Variants in DDX18 observed in about 807,000 individuals in gnomAD.
DDX18 encodes ATP-dependent RNA helicase DDX18.
A neutral mutation model predicts 73.5 loss-of-function variants in DDX18; 23 were observed. That is an observed-to-expected ratio of 0.31 (90% confidence interval 0.23 to 0.44). The LOEUF (loss-of-function observed/expected upper bound fraction) is 0.44, where lower values mean the gene tolerates loss of function less well. DDX18 is among the 20% of genes least tolerant of loss of function. The pLI, the probability that DDX18 is intolerant of heterozygous loss-of-function variation, is 1.00. For missense variants in DDX18, 753 were observed against 792.9 expected (o/e 0.95, Z 0.60); for synonymous variants, 268 against 282.7 (o/e 0.95, Z 0.52).
chr2:117,824,460 ACAT>A, intron 7 of DDX18, 106 bp from the exon 8 acceptor site: 1 of 1,037,422 alleles, frequency 9.6e-7, no homozygotes, highest in African/African-American at 1.6e-5. Flanking sequence ...TTCTGTAGAA[ACAT>A]CATATCTCCC....
intron 3 of DDX18, 152 bp downstream of exon 3, chr2:117,819,944 C>G (rs866484649): frequency 5.6e-6 from 4 of 718,468 alleles, no homozygotes; most frequent in Middle Eastern, 3.4e-4. Flanking sequence ...GCTGCTTTTT[C>G]TCTTTATCTT....
intron 11 of DDX18, chr2:117,828,064 T>C (rs566477019): frequency 3.3e-5 from 5 of 152,324 alleles, no homozygotes; most frequent in Admixed American, 2.6e-4. Flanking sequence ...TATTTGGATT[T>C]CTCTGATGGC....
chr2:117,815,922 G>C (rs527925122), intron 1 of DDX18, among the ~76,000 whole-genome samples: 1 of 152,190 alleles, frequency 6.6e-6, no homozygotes, highest in South Asian at 2.1e-4. Flanking sequence ...TACACACCCA[G>C]GCTACATGAT....
rs748722002 is a variant in DDX18 at position 117,817,695 on chromosome 2, A to G, written c.337A>G (p.Lys113Glu). Residue 113 changes from lysine (K) to glutamate (E), a missense_variant, in exon 2 of 14, where the codon AAA (lysine) becomes GAA (glutamate). Coordinates refer to ENST00000263239, the MANE Select transcript of DDX18 (RefSeq NM_006773.4). ...SNSESKKKKK[K>E]KRKMVNDAEP... is the part of the protein sequence containing the mutation. ...TTCAGAATCAAAAAAGAAAAAGAAG[A>G]AAAAGAGAAAAATGGTGAATGATGC... is the stretch of plus-strand genomic sequence containing the variant. 5 of 1,604,270 alleles carry G rather than the reference A, an allele frequency of 3.1e-6. No individual in the cohort carries two copies. Among genetic ancestry groups the G allele is most frequent in the Admixed American group, 1.7e-5 (1 of 57,712 alleles).
At chr2:117,826,240 T>C in intron 10 of DDX18, 29 bp from the exon 11 acceptor site, 1 of 1,600,122 alleles carries the variant, frequency 6.2e-7, no homozygotes, top group Non-Finnish European at 8.5e-7. Flanking sequence ...AGTCACTGCG[T>C]TAACTCAGAT....
In DDX18 at chr2:117,822,061, G is replaced by A. The variant is rs1679854438; in HGVS notation, c.951G>A (p.Gln317=). The change falls in exon 6 of 14, where the codon CAG becomes CAA. Residue 317 remains glutamine (Q), a splice_region_variant and synonymous_variant. Coordinates refer to ENST00000263239, the MANE Select transcript of DDX18 (RefSeq NM_006773.4). ...ATPGRLLDHM[Q]NTPGFMYKNL... is the part of the protein sequence containing the mutation. ...CAGGCCGTCTGCTGGACCATATGCA[G>A]GTAAGAGATGTAGTGCTTGTCTCAT... 3 of 1,613,814 alleles carry A rather than the reference G, an allele frequency of 1.9e-6. No homozygotes were observed. The highest frequency in any genetic ancestry group is 2.5e-6 in the Non-Finnish European group (3 of 1,179,918).
At chr2:117,826,181 C>A in intron 10 of DDX18, 88 bp from the exon 11 acceptor site, 1 of 1,071,204 alleles carries the variant, frequency 9.3e-7, no homozygotes, top group South Asian at 1.4e-5. Flanking sequence ...CATCTCAGTA[C>A]AGACATGCAC....
At chr2:117,817,405 CCTT>C (rs1679776914) in intron 1 of DDX18, 36 bp from the exon 2 acceptor site, 1 of 1,519,240 alleles carries the variant, frequency 6.6e-7, no homozygotes, top group Non-Finnish European at 8.8e-7. Context: ...GTAAACTTCT[CCTT>C]CTTTGTCACA....
In DDX18 at chr2:117,823,039, C is replaced by T. The variant is rs529597513; in HGVS notation, c.1066+778C>T. On this transcript the variant is annotated intron_variant, in intron 7 of 13. Transcript: ENST00000263239. ...AAAAACTGCCAGATGTTTTCCAAAG[C>T]GGCTGTACCATTTAACATTCCTATG... Among the ~76,000 whole-genome samples, 157 of 152,276 alleles carry T rather than the reference C, an allele frequency of 1.0e-3. 1 individual carries two copies. The highest frequency in any genetic ancestry group is 3.7e-3 in the African/African-American group (152 of 41,562).
chr2:117,820,497 C>T (rs1354809406), intron 3 of DDX18, among the ~76,000 whole-genome samples: 2 of 152,222 alleles, frequency 1.3e-5, no homozygotes, highest in African/African-American at 4.8e-5. Flanking sequence ...CTGCTGGGAT[C>T]TGGTGAGTAG....
At position 117,819,540 on chromosome 2, in the gene DDX18, A is replaced by C. The variant is rs1483445293; in HGVS notation, c.371-109A>C. 3 of 1,079,748 alleles carry C rather than the reference A, an allele frequency of 2.8e-6. No homozygotes were observed. In the East Asian group the frequency reaches 8.1e-5, roughly 29 times the overall value. 66.9% of individuals were successfully genotyped at this position (1,079,748 alleles called of 1,614,324 possible). A position where few individuals can be genotyped will look rare whatever the true frequency, so the allele number is the denominator to read the frequency against. ...TAACAAATTAATACAGCATATACTT[A>C]GCTTTTGAAAATATACGTCTTTATA... On this transcript the variant is annotated intron_variant, in intron 2 of 13. Coordinates refer to ENST00000263239, the MANE Select transcript of DDX18 (RefSeq NM_006773.4).
In DDX18 at chr2:117,830,574, G is replaced by T; in HGVS notation, c.1871-8G>T. 2.5e-6 allele frequency: 4 copies of T among 1,608,156 alleles called. No individual in the cohort carries two copies. Among genetic ancestry groups the T allele is most frequent in the Non-Finnish European group, 3.4e-6 (4 of 1,178,432 alleles). On this transcript the variant is annotated splice_polypyrimidine_tract_variant and splice_region_variant and intron_variant, in intron 13 of 13. Coordinates refer to ENST00000263239, the MANE Select transcript of DDX18 (RefSeq NM_006773.4). ...TTTTTGCTTGATTTCCTTAATGTTT[G>T]CCTCCAGACGTCAACAGTAATGAAG...
At position 117,824,683 on chromosome 2, in the gene DDX18, A is replaced by G; in HGVS notation, c.1181A>G (p.Asn394Ser). ...GTTGGCGTTGATGATGATAAAGCGA[A>G]TGCAACAGTGGATGGTCTTGAACAG... ...LYVGVDDDKA[N>S]ATVDGLEQGY... The change falls in exon 8 of 14, where the codon AAT becomes AGT. Residue 394 changes from asparagine to serine, a missense_variant. Physicochemically the swap from Asn to Ser is conservative, Grantham distance 46. Coordinates refer to ENST00000263239, the MANE Select transcript of DDX18 (RefSeq NM_006773.4). 6.7e-7 allele frequency: 1 copy of G among 1,482,562 alleles called. No homozygotes were observed. The highest frequency in any genetic ancestry group is 9.0e-7 in the Non-Finnish European group (1 of 1,116,900). The allele number at this position is 1,482,562 out of a possible 1,614,324, so 91.8% of individuals were successfully genotyped here. A position where few individuals can be genotyped will look rare whatever the true frequency, so the allele number is the denominator to read the frequency against.
Position 117,821,164 on chromosome 2 carries a change from C to A in DDX18, c.518C>A (p.Ala173Asp). The change falls in exon 4 of 14, where the codon GCT becomes GAT. Residue 173 changes from alanine (A) to aspartate (D), a missense_variant. Transcript: ENST00000263239. ...VPSLPLGLTG[A>D]FEDTSFASLC... ...TGATAAATTGTCTTCTGTTTAGGAG[C>A]TTTTGAGGATACTTCGTTTGCTTCT... is the stretch of plus-strand genomic sequence containing the variant. 1.3e-6 allele frequency: 2 copies of A among 1,574,024 alleles called. No homozygotes were observed. The highest frequency in any genetic ancestry group is 1.7e-6 in the Non-Finnish European group (2 of 1,163,298).
At chr2:117,821,353 TAAAG>T (rs1429979174) in intron 4 of DDX18, 57 bp downstream of exon 4, 1 of 1,549,806 alleles carries the variant, frequency 6.5e-7, no homozygotes, top group Non-Finnish European at 8.7e-7. Context: ...TAGTAGATGA[TAAAG>T]AACATACCAG....
Position 117,819,735 on chromosome 2 carries a change from A to G in DDX18, c.457A>G (p.Lys153Glu), listed in dbSNP as rs1233914585. The G allele has an allele frequency of 6.2e-7, 1 of 1,610,278 alleles. No individual in the cohort carries two copies. Among genetic ancestry groups the G allele is most frequent in the East Asian group, 2.2e-5 (1 of 44,738 alleles). Residue 153 changes from lysine to glutamate, a missense_variant, in exon 3 of 14, where the codon AAG becomes GAG. By Grantham distance (56) the Lys-to-Glu change is moderately conservative (BLOSUM62 1). This residue lies in a region of DDX18 where 345 missense variants were observed against 352.0 expected (regional missense o/e 0.98). Coordinates refer to ENST00000263239, the MANE Select transcript of DDX18 (RefSeq NM_006773.4). ...TTKETENNVE[K>E]PDNDEDESEV... ...TAAAGAAACAGAAAATAATGTGGAG[A>G]AGCCAGATAATGATGAAGATGAGAG...
At position 117,832,184 on chromosome 2, in the gene DDX18, A is replaced by G. The variant is rs756764049; in HGVS notation, c.*1460A>G. The stretch of plus-strand genomic sequence containing the variant: ...GAAATAATGTTTTTTAAAAGACAAA[A>G]ACAAAGGGAAGAATATTTAATTACT... On this transcript the variant is annotated 3_prime_UTR_variant, in exon 14 of 14. Coordinates refer to ENST00000263239, the MANE Select transcript of DDX18 (RefSeq NM_006773.4). The G allele has an allele frequency of 1.3e-5, 2 of 152,114 alleles. No individual in the cohort carries two copies. Among genetic ancestry groups the G allele is most frequent in the Non-Finnish European group, 2.9e-5 (2 of 68,016 alleles). 9.4% of individuals were successfully genotyped at this position (152,114 alleles called of 1,614,324 possible).
intron 2 of DDX18, among the ~76,000 whole-genome samples, chr2:117,818,479 T>C (rs1279991081): frequency 6.6e-6 from 1 of 152,230 alleles, no homozygotes; most frequent in Non-Finnish European, 1.5e-5. Flanking sequence ...ATAAGGGTTT[T>C]ATTTAGAAAG....
In DDX18 at chr2:117,819,742, A is replaced by G. The variant is rs759755658; in HGVS notation, c.464A>G (p.Asp155Gly). The G allele has an allele frequency of 5.0e-6, 8 of 1,609,542 alleles. No individual in the cohort carries two copies. The highest frequency in any genetic ancestry group is 1.7e-4 in the Middle Eastern group (1 of 5,992). ...ACAGAAAATAATGTGGAGAAGCCAG[A>G]TAATGATGAAGATGAGAGTGAGGTG... ...KETENNVEKP[D>G]NDEDESEVPS... The change falls in exon 3 of 14, where the codon GAT becomes GGT. Residue 155 changes from aspartate (D) to glycine (G), a missense_variant. Physicochemically the swap from Asp to Gly is moderately conservative, Grantham distance 94. Coordinates refer to ENST00000263239, the MANE Select transcript of DDX18 (RefSeq NM_006773.4).
Sources: gnomAD v4.1 joint callset for allele counts (sites outside exome capture counted in the v4.1 genomes callset) on GRCh38, gnomAD v4.1.1 for gene constraint, gnomAD v4.1.1 regional missense constraint, MANE v1.5 for transcripts, NCBI Gene and HGNC (gene_info 2026-07-23, HGNC 2026-07-21) for gene names.